NFIB: variants seen among roughly 807,000 people sequenced by gnomAD.
NFIB encodes nuclear factor I B, also known as nuclear factor 1 B-type.
In NFIB, 11 loss-of-function variants were observed where a neutral mutation model predicts 61.5. That is an observed-to-expected ratio of 0.18 (90% CI 0.11 to 0.30). The LOEUF is 0.30. Among genes scored for constraint, NFIB ranks in the 10% least tolerant of loss-of-function variants. The pLI is 1.00. For missense variants in NFIB, 471 were observed against 608.9 expected (o/e 0.77, Z 2.38); for synonymous variants, 260 against 216.5 (o/e 1.20, Z -1.76).
At chr9:14,255,419 T>C (rs1333920214) in intron 2 of NFIB, among the ~76,000 whole-genome samples, 1 of 152,198 alleles carries the variant, frequency 6.6e-6, no homozygotes, top group East Asian at 1.9e-4. Flanking sequence ...TCAATGACTG[T>C]GAGCATCTGA....
the NFIB span, among the ~76,000 whole-genome samples, chr9:14,405,120 T>C: frequency 1.1e-4 from 17 of 152,206 alleles, no homozygotes; most frequent in African/African-American, 3.9e-4. Flanking sequence ...CATAAAGTCC[T>C]CCCACTGGAT....
intron 2 of NFIB, among the ~76,000 whole-genome samples, chr9:14,212,948 A>G (rs941922738): frequency 6.6e-6 from 1 of 152,234 alleles, no homozygotes; most frequent in African/African-American, 2.4e-5. Context: ...TTAAGTTAAG[A>G]TAACAGCTAC....
intron 3 of NFIB, among the ~76,000 whole-genome samples, chr9:14,157,405 A>C (rs1019475084): frequency 6.6e-6 from 1 of 152,062 alleles, no homozygotes; most frequent in African/African-American, 2.4e-5. Context: ...ACATCCACCC[A>C]CCCACCTTCT....
At chr9:14,181,806 A>C (rs780095136) in intron 2 of NFIB, among the ~76,000 whole-genome samples, 3 of 152,206 alleles carry the variant, frequency 2.0e-5, no homozygotes, top group Non-Finnish European at 2.9e-5. Flanking sequence ...ATGAAGGTCT[A>C]GACATGCACC....
chr9:14,338,180 G>C (rs1163591596), intron 1 of NFIB, among the ~76,000 whole-genome samples: 5 of 152,136 alleles, frequency 3.3e-5, no homozygotes, highest in Admixed American at 6.5e-5. Flanking sequence ...GGATCACAAG[G>C]TCAGAAGATC....
At chr9:14,169,558 C>A (rs12376024) in intron 3 of NFIB, among the ~76,000 whole-genome samples, 6 of 152,046 alleles carry the variant, frequency 3.9e-5, no homozygotes, top group African/African-American at 1.4e-4. Flanking sequence ...TGGTGGTTCA[C>A]GCCTGTAATC....
rs1198308283 is a variant in NFIB, at chr9:14,084,107, A to C, written c.*4202T>G. Reference sequence around the variant, plus strand: ...TTAGTATCCTATGCTTTTCAAGCACAGGAATCTGTGAAATAACTCCTAACA... The same window carrying C: ...TTAGTATCCTATGCTTTTCAAGCACCGGAATCTGTGAAATAACTCCTAACA... On this transcript the variant is annotated 3_prime_UTR_variant, in exon 11 of 11. Coordinates refer to ENST00000380953, the MANE Select transcript of NFIB (RefSeq NM_001190737.2). The C allele has an allele frequency of 4.9e-6, 1 of 205,382 alleles. No homozygotes were observed. Among genetic ancestry groups the C allele is most frequent in the African/African-American group, 2.3e-5 (1 of 43,742 alleles). The allele number at this position is 205,382 out of a possible 1,614,324, so 12.7% of individuals were successfully genotyped here.
At chr9:14,421,750 C>A in the NFIB span, among the ~76,000 whole-genome samples, 2 of 152,152 alleles carry the variant, frequency 1.3e-5, no homozygotes, top group African/African-American at 2.4e-5. Context: ...TTTTGATACA[C>A]CTTTATAGAG....
At chr9:14,490,698 A>G in the NFIB span, among the ~76,000 whole-genome samples, 2 of 152,296 alleles carry the variant, frequency 1.3e-5, no homozygotes, top group African/African-American at 4.8e-5. Context: ...TAGGGAAGGA[A>G]TCTCAATTTC....
chr9:14,220,056 T>C (rs996339514), intron 2 of NFIB, among the ~76,000 whole-genome samples: 13 of 152,316 alleles, frequency 8.5e-5, no homozygotes, highest in African/African-American at 3.1e-4. Flanking sequence ...CTAGGCGTAC[T>C]ACACTTTCTG....
intron 1 of NFIB, among the ~76,000 whole-genome samples, chr9:14,392,622 G>C (rs570218377): frequency 6.6e-6 from 1 of 152,166 alleles, no homozygotes; most frequent in South Asian, 2.1e-4. Context: ...CAGCTACTCA[G>C]GACGCTGAGA....
At chr9:14,273,114 G>A (rs2057747183) in intron 2 of NFIB, among the ~76,000 whole-genome samples, 1 of 152,126 alleles carries the variant, frequency 6.6e-6, no homozygotes, top group Admixed American at 6.5e-5. Context: ...AGCCAGCAAT[G>A]CTACAAAGCT....
At chr9:14,239,904 A>G (rs2054177517) in intron 2 of NFIB, among the ~76,000 whole-genome samples, 1 of 152,146 alleles carries the variant, frequency 6.6e-6, no homozygotes, top group Non-Finnish European at 1.5e-5. Context: ...CAATGTAGAA[A>G]CAAACTGAAG....
rs2056778436 is a variant in NFIB at position 14,261,785 on chromosome 9, A to G, written c.562+45204T>C. On this transcript the variant is annotated intron_variant, in intron 2 of 10. Coordinates refer to ENST00000380953, the MANE Select transcript of NFIB (RefSeq NM_001190737.2). ...AATGGTTTGTGACAAATGTCTGTCC[A>G]GATGTGTTGACAGGCTTCAGTGTTT... Among the ~76,000 whole-genome samples the G allele has an allele frequency of 2.0e-5, 3 of 152,240 alleles. No individual in the cohort carries two copies. The South Asian group carries it at 6.2e-4, about 31-fold the overall frequency.
intron 2 of NFIB, among the ~76,000 whole-genome samples, chr9:14,209,942 G>C (rs1189992229): frequency 1.3e-5 from 2 of 151,986 alleles, no homozygotes; most frequent in Non-Finnish European, 2.9e-5. Flanking sequence ...GTGAGGGCTG[G>C]ATCATAAATT....
intron 1 of NFIB, among the ~76,000 whole-genome samples, chr9:14,381,585 A>G (rs1355174980): frequency 6.6e-6 from 1 of 152,264 alleles, no homozygotes; most frequent in Admixed American, 6.5e-5. Flanking sequence ...ATAGACATAC[A>G]TGATGCAAAT....
chr9:14,470,754 G>C, the NFIB span, among the ~76,000 whole-genome samples: 6 of 152,152 alleles, frequency 3.9e-5, no homozygotes, highest in Admixed American at 6.5e-5. Context: ...CCGAAACTAG[G>C]AGGAAACACC....
chr9:14,430,516 T>G, the NFIB span, among the ~76,000 whole-genome samples: 2 of 152,242 alleles, frequency 1.3e-5, no homozygotes, highest in Non-Finnish European at 2.9e-5. Flanking sequence ...TAATGTTTCC[T>G]CATTAAAGAC....
intron 2 of NFIB, among the ~76,000 whole-genome samples, chr9:14,188,001 CTAAGAT>C (rs902908588): frequency 1.3e-5 from 2 of 152,182 alleles, no homozygotes; most frequent in South Asian, 2.1e-4. Context: ...CTGCCCTAAC[CTAAGAT>C]TAAGTTCAAT....
Sources: gnomAD v4.1 joint callset for allele counts (sites outside exome capture counted in the v4.1 genomes callset) on GRCh38, gnomAD v4.1.1 for gene constraint, MANE v1.5 for transcripts, NCBI Gene and HGNC (gene_info 2026-07-23, HGNC 2026-07-21) for gene names.